PPP2R2A: variants seen among roughly 807,000 people sequenced by gnomAD.
The protein encoded by PPP2R2A is serine/threonine-protein phosphatase 2A 55 kDa regulatory subunit B alpha isoform.
A neutral mutation model predicts 53.2 loss-of-function variants in PPP2R2A; 9 were observed. The ratio of observed to expected loss-of-function variants is 0.17; its 90% CI spans 0.10 to 0.30. The LOEUF is 0.30. Among genes scored for constraint, PPP2R2A ranks in the 10% least tolerant of loss-of-function variants. PPP2R2A has a pLI of 1.00. For missense variants in PPP2R2A, 235 were observed against 534.6 expected (o/e 0.44, Z 5.53); for synonymous variants, 169 against 174.2 (o/e 0.97, Z 0.23).
At chr8:26,297,262 G>A (rs374623035) in intron 2 of PPP2R2A, among the ~76,000 whole-genome samples, 1 of 152,080 alleles carries the variant, frequency 6.6e-6, no homozygotes, top group South Asian at 2.1e-4. Flanking sequence ...GGTGCACCCC[G>A]CCATGTCCGG....
At chr8:26,293,297 A>C (rs1177752490) in intron 1 of PPP2R2A, 23 of 1,526,284 alleles carry the variant, frequency 1.5e-5, no homozygotes, top group Non-Finnish European at 1.9e-5. Context: ...GTTTAACCTT[A>C]TTAACTCTTC....
intron 8 of PPP2R2A, among the ~76,000 whole-genome samples, chr8:26,364,202 C>T (rs1011689648): frequency 6.6e-6 from 1 of 152,018 alleles, no homozygotes; most frequent in Admixed American, 6.6e-5. Context: ...TCATTGAGGT[C>T]TGGGCAGGAA....
At chr8:26,342,575 G>A (rs1279196400) in intron 3 of PPP2R2A, among the ~76,000 whole-genome samples, 7 of 152,140 alleles carry the variant, frequency 4.6e-5, no homozygotes, top group African/African-American at 1.7e-4. Flanking sequence ...GTAAGGTAGT[G>A]TGGGTGTGTG....
chr8:26,360,021 A>T lies in PPP2R2A; in HGVS notation c.347-148A>T. The T allele has an allele frequency of 2.0e-6, 1 of 499,054 alleles. No individual in the cohort carries two copies. 30.9% of individuals were successfully genotyped at this position (499,054 alleles called of 1,614,324 possible). A position where few individuals can be genotyped will look rare whatever the true frequency, so the allele number is the denominator to read the frequency against. On this transcript the variant is annotated intron_variant, in intron 4 of 9. Transcript: ENST00000380737. This position sits in a 1 kb window ranked among gnomAD's most constrained non-coding sequence, Gnocchi z 4.5. ...CATGTGTGTATGTTATTCAGCTGAT[A>T]ATAGGAAATTTTTTAGTAAGTTCAG...
chr8:26,358,126 G>C (rs1331829156), intron 4 of PPP2R2A, among the ~76,000 whole-genome samples: 1 of 142,562 alleles, frequency 7.0e-6, no homozygotes. Context: ...TCCTGTGTTT[G>C]TGTTAAGGAA....
intron 2 of PPP2R2A, among the ~76,000 whole-genome samples, chr8:26,315,738 AT>A (rs1014983146): frequency 6.6e-6 from 1 of 152,130 alleles, no homozygotes; most frequent in Non-Finnish European, 1.5e-5. Flanking sequence ...TTTTCAGCAC[AT>A]TGGTTGTTAC....
At chr8:26,306,690 A>C (rs1344554375) in intron 2 of PPP2R2A, among the ~76,000 whole-genome samples, 1 of 151,996 alleles carries the variant, frequency 6.6e-6, no homozygotes, top group African/African-American at 2.4e-5. Flanking sequence ...AAATCTAATA[A>C]AGGTTGGGCT....
intron 2 of PPP2R2A, among the ~76,000 whole-genome samples, chr8:26,337,274 A>G (rs1409002952): frequency 1.3e-5 from 2 of 152,226 alleles, no homozygotes; most frequent in Non-Finnish European, 2.9e-5. Flanking sequence ...CCAGCAAATT[A>G]TCAATGCTGT....
intron 2 of PPP2R2A, among the ~76,000 whole-genome samples, chr8:26,308,154 A>G (rs1402282098): frequency 6.6e-6 from 1 of 152,374 alleles, no homozygotes; most frequent in South Asian, 2.1e-4. Context: ...TTGCTAAAAA[A>G]TGTTAATAGT....
At chr8:26,357,318 ACTATAT>A (rs1267784298) in intron 4 of PPP2R2A, among the ~76,000 whole-genome samples, 1 of 139,718 alleles carries the variant, frequency 7.2e-6, no homozygotes, top group African/African-American at 2.6e-5. Flanking sequence ...CTATATAAAA[ACTATAT>A]CTGTGGGAGA....
chr8:26,304,894 A>G (rs961096811), intron 2 of PPP2R2A, among the ~76,000 whole-genome samples: 1 of 152,174 alleles, frequency 6.6e-6, no homozygotes, highest in African/African-American at 2.4e-5. Flanking sequence ...TTTTAATGAA[A>G]ATTTTTAGCT....
At chr8:26,366,013 T>G (rs151110612) in intron 8 of PPP2R2A, 28 of 255,084 alleles carry the variant, frequency 1.1e-4, no homozygotes, top group African/African-American at 5.2e-4. Flanking sequence ...ATTAGTCTCT[T>G]AACTGTGCCA....
intron 4 of PPP2R2A, among the ~76,000 whole-genome samples, chr8:26,355,570 G>GT (rs1804734527): frequency 6.6e-6 from 1 of 152,050 alleles, no homozygotes; most frequent in African/African-American, 2.4e-5. Flanking sequence ...AGGATTAAAA[G>GT]TTAGTAATGA....
At chr8:26,299,261 CAA>C (rs5890307) in intron 2 of PPP2R2A, among the ~76,000 whole-genome samples, 46 of 145,298 alleles carry the variant, frequency 3.2e-4, no homozygotes, top group Non-Finnish European at 2.7e-4. Flanking sequence ...GACTCTGTTT[CAA>C]AAAAAAAAAA....
intron 9 of PPP2R2A, among the ~76,000 whole-genome samples, chr8:26,367,780 G>A (rs1805457065): frequency 6.6e-6 from 1 of 152,204 alleles, no homozygotes; most frequent in South Asian, 2.1e-4. Flanking sequence ...TCACAGCGAT[G>A]CAGTACTGCC....
At chr8:26,356,428 C>G (rs1804787890) in intron 4 of PPP2R2A, among the ~76,000 whole-genome samples, 1 of 152,202 alleles carries the variant, frequency 6.6e-6, no homozygotes, top group Admixed American at 6.5e-5. Context: ...GCATTCCCCT[C>G]TCTTGTCCTT....
At chr8:26,323,087 C>A (rs1260790697) in intron 2 of PPP2R2A, among the ~76,000 whole-genome samples, 1 of 152,210 alleles carries the variant, frequency 6.6e-6, no homozygotes, top group Non-Finnish European at 1.5e-5. Flanking sequence ...TTTACCTGGT[C>A]TCCAGGCTTA....
chr8:26,357,882 C>T (rs1351169756), intron 4 of PPP2R2A, among the ~76,000 whole-genome samples: 2 of 151,986 alleles, frequency 1.3e-5, no homozygotes, highest in Non-Finnish European at 2.9e-5. Context: ...AATCTAATAA[C>T]GTCTCCACTG....
chr8:26,325,412 C>T (rs982915497), intron 2 of PPP2R2A, among the ~76,000 whole-genome samples: 1 of 152,108 alleles, frequency 6.6e-6, no homozygotes, highest in Admixed American at 6.5e-5. Flanking sequence ...TGAGGCCTTC[C>T]CAGCCATGTG....
Sources: gnomAD v4.1 joint callset for allele counts (sites outside exome capture counted in the v4.1 genomes callset) on GRCh38, gnomAD v4.1.1 for gene constraint, Gnocchi (gnomAD v3.1) non-coding constraint, MANE v1.5 for transcripts, NCBI Gene and HGNC (gene_info 2026-07-23, HGNC 2026-07-21) for gene names.